Variants in TNN observed in about 807,000 individuals in gnomAD.
TNN encodes the protein tenascin-N.
Under a neutral mutation model 134.4 loss-of-function variants are expected in TNN, and 122 were observed. That is an observed-to-expected ratio of 0.91 (90% CI 0.78 to 1.06). The LOEUF (loss-of-function observed/expected upper bound fraction) is 1.06. Among genes scored for constraint, TNN ranks in the 50% least tolerant of loss-of-function variants. The pLI is 0.00. For synonymous variants in TNN, 710 were observed against 670.3 expected, an observed-to-expected ratio of 1.06 and a Z score of -0.91; for missense variants, 1,739 against 1,699.4, an observed-to-expected ratio of 1.02 and a Z score of -0.41.
intron 5 of TNN, among the ~76,000 whole-genome samples, chr1:175,084,584 T>A (rs1426238804): frequency 6.6e-6 from 1 of 152,164 alleles, no homozygotes; most frequent in Non-Finnish European, 1.5e-5. Flanking sequence ...TACAAGGCCT[T>A]GGAATGGGCC....
In TNN at chr1:175,132,427, A is replaced by G. The variant is rs565099979; in HGVS notation, c.3331-3418A>G. Among the ~76,000 whole-genome samples, 5 of 152,334 alleles carry G rather than the reference A, an allele frequency of 3.3e-5. No individual in the cohort carries two copies. The South Asian group carries it at 1.0e-3, about 32-fold the overall frequency. Reference sequence around the variant, plus strand: ...CACGAAATGATTGTCGTCTAAGTGAATAAATGAGTGAAGAAAAGTGAGGGA... The same window carrying G: ...CACGAAATGATTGTCGTCTAAGTGAGTAAATGAGTGAAGAAAAGTGAGGGA... On this transcript the variant is annotated intron_variant, in intron 15 of 18. Coordinates refer to ENST00000239462, the MANE Select transcript of TNN (RefSeq NM_022093.2).
At chr1:175,075,990 C>T (rs1674029622) in intron 1 of TNN, among the ~76,000 whole-genome samples, 1 of 152,198 alleles carries the variant, frequency 6.6e-6, no homozygotes, top group Non-Finnish European at 1.5e-5. Flanking sequence ...AACCCATTGT[C>T]AAGAGACAGC....
intron 9 of TNN, among the ~76,000 whole-genome samples, chr1:175,107,415 A>C (rs1674888697): frequency 7.0e-6 from 1 of 143,610 alleles, no homozygotes; most frequent in Non-Finnish European, 1.5e-5. Context: ...TCAGGAGTGA[A>C]GCTGCAGACC....
intron 6 of TNN, among the ~76,000 whole-genome samples, chr1:175,088,340 T>C (rs1212480920): frequency 1.3e-5 from 2 of 152,142 alleles, no homozygotes; most frequent in African/African-American, 4.8e-5. Context: ...ACACCTCACT[T>C]TGGAGATTCC....
In TNN at chr1:175,094,033, A is replaced by G; in HGVS notation, c.1368A>G (p.Glu456=). ...ATGTTGTCACTGATCGAGTGACTGAAGACACAGCAACTGTCTCCTGGGACC... is the reference window on the plus strand; with the variant it reads ...ATGTTGTCACTGATCGAGTGACTGAGGACACAGCAACTGTCTCCTGGGACC... The part of the protein sequence containing the change: ...PTNVVTDRVT[E]DTATVSWDPV... Residue 456 remains glutamate (E), a synonymous_variant, in exon 7 of 19, where the codon GAA becomes GAG. Transcript: ENST00000239462. 4 of 1,612,114 alleles carry G rather than the reference A, an allele frequency of 2.5e-6. No homozygotes were observed. Among genetic ancestry groups the G allele is most frequent in the Non-Finnish European group, 3.4e-6 (4 of 1,178,316 alleles).
intron 17 of TNN, among the ~76,000 whole-genome samples, chr1:175,137,464 G>A (rs1410795819): frequency 6.6e-6 from 1 of 151,592 alleles, no homozygotes; most frequent in Non-Finnish European, 1.5e-5. Context: ...ATAATAAGAA[G>A]TATAGGTCTC....
At chr1:175,091,017 T>C (rs2213850) in intron 6 of TNN, among the ~76,000 whole-genome samples, 103,180 of 152,118 alleles carry the variant, frequency 0.68, 35,294 homozygotes, top group African/African-American at 0.76. Context: ...CTGCAGCTGC[T>C]GAAAGGCTTC....
intron 17 of TNN, among the ~76,000 whole-genome samples, chr1:175,139,513 G>T (rs1675896177): frequency 6.6e-6 from 1 of 152,152 alleles, no homozygotes; most frequent in Non-Finnish European, 1.5e-5. Flanking sequence ...CCGCTGGAAG[G>T]TCTTCAGGAG....
intron 15 of TNN, among the ~76,000 whole-genome samples, chr1:175,133,361 C>A (rs1675721753): frequency 6.6e-6 from 1 of 152,162 alleles, no homozygotes; most frequent in Non-Finnish European, 1.5e-5. Context: ...ATTCTTTGGC[C>A]CGTTCCAGTT....
chr1:175,079,658 G>T lies in TNN; in HGVS notation c.735G>T (p.Thr245=). The T allele has an allele frequency of 6.2e-7, 1 of 1,609,254 alleles. No individual in the cohort carries two copies. The highest frequency in any genetic ancestry group is 8.5e-7 in the Non-Finnish European group (1 of 1,178,644). The change falls in exon 3 of 19, where the codon ACG becomes ACT. Residue 245 remains threonine, a synonymous_variant. Coordinates refer to ENST00000239462, the MANE Select transcript of TNN (RefSeq NM_022093.2). ...GDCSGHGFCD[T]GECYCEEGFT... ...GCAGCGGCCACGGCTTCTGTGACAC[G>T]GGCGAGTGCTACTGCGAGGAGGGCT...
chr1:175,140,156 T>C (rs1675911652), intron 17 of TNN, among the ~76,000 whole-genome samples: 1 of 152,248 alleles, frequency 6.6e-6, no homozygotes, highest in Non-Finnish European at 1.5e-5. Flanking sequence ...CCCTTTGGTA[T>C]AATACAGTAC....
chr1:175,085,275 C>A (rs1371023829), intron 5 of TNN, 130 bp from the exon 6 acceptor site: 6 of 645,698 alleles, frequency 9.3e-6, no homozygotes, highest in African/African-American at 1.8e-5. Flanking sequence ...CCTGCAAATA[C>A]AGATTCATCT....
At position 175,116,502 on chromosome 1, in the gene TNN, C is replaced by T. The variant is rs1172542102; in HGVS notation, c.2120-437C>T. ...AGTAAGTTATGAAATTAGTTACATG[C>T]ATGGAATATTCATGCTTGAATGAAC... is the stretch of plus-strand genomic sequence containing the variant. On this transcript the variant is annotated intron_variant, in intron 9 of 18. Coordinates refer to ENST00000239462, the MANE Select transcript of TNN (RefSeq NM_022093.2). Among the ~76,000 whole-genome samples the T allele has an allele frequency of 3.3e-5, 5 of 152,316 alleles. No homozygotes were observed. In the East Asian group the frequency reaches 5.8e-4, roughly 18 times the overall value.
At chr1:175,132,858 G>A (rs2101848287) in intron 15 of TNN, among the ~76,000 whole-genome samples, 1 of 152,382 alleles carries the variant, frequency 6.6e-6, no homozygotes, top group Non-Finnish European at 1.5e-5. Context: ...CCCATGTGGA[G>A]CTTTCAGCAT....
At chr1:175,116,511 T>C (rs1422836326) in intron 9 of TNN, among the ~76,000 whole-genome samples, 1 of 152,224 alleles carries the variant, frequency 6.6e-6, no homozygotes, top group Admixed American at 6.5e-5. Flanking sequence ...GCATGGAATA[T>C]TCATGCTTGA....
intron 5 of TNN, among the ~76,000 whole-genome samples, chr1:175,084,422 T>C (rs769120418): frequency 2.1e-4 from 32 of 152,250 alleles, no homozygotes; most frequent in Middle Eastern, 3.4e-3. Context: ...GTCTCTGATT[T>C]CTGAGCTAAT....
In TNN at chr1:175,077,613, C is replaced by T. The variant is rs754891519; in HGVS notation, c.195C>T (p.Leu65=). ...LVQVDADPQP[L]SDDGASLLAL... is the part of the protein sequence containing the mutation. The stretch of plus-strand genomic sequence containing the variant: ...AGGTTGACGCTGACCCTCAGCCCCT[C>T]AGTGACGATGGGGCTTCGCTCTTGG... Residue 65 remains leucine, a synonymous_variant, in exon 2 of 19, where the codon CTC becomes CTT. Transcript: ENST00000239462. 2 of 1,614,226 alleles carry T rather than the reference C, an allele frequency of 1.2e-6. No homozygotes were observed. The highest frequency in any genetic ancestry group is 2.2e-5 in the South Asian group (2 of 91,086).
In TNN at chr1:175,102,957, G is replaced by T. The variant is rs1436887682; in HGVS notation, c.2119+4362G>T. 1.4e-5 allele frequency among the ~76,000 whole-genome samples: 2 copies of T among 146,350 alleles called. 1 individual carries two copies. The highest frequency in any genetic ancestry group is 3.0e-5 in the Non-Finnish European group (2 of 65,836). On this transcript the variant is annotated intron_variant, in intron 9 of 18. Coordinates refer to ENST00000239462, the MANE Select transcript of TNN (RefSeq NM_022093.2). ...TCCTGCTGGATGGGGCAAAGAAGGGGCCCTGCAGTTGCGGTGTCCTTCAGA... is the reference window on the plus strand; with the variant it reads ...TCCTGCTGGATGGGGCAAAGAAGGGTCCCTGCAGTTGCGGTGTCCTTCAGA...
intron 17 of TNN, among the ~76,000 whole-genome samples, chr1:175,139,614 G>A (rs12067238): frequency 2.6e-3 from 176 of 68,166 alleles, no homozygotes; most frequent in African/African-American, 7.8e-3. Flanking sequence ...TGTTTTACAG[G>A]ATTTTTTTTT....
Sources: allele counts gnomAD v4.1 joint callset (sites outside exome capture counted in the v4.1 genomes callset), GRCh38; gene constraint gnomAD v4.1.1; transcripts MANE v1.5; gene names NCBI Gene and HGNC (gene_info 2026-07-23, HGNC 2026-07-21).